OSTF1: variants seen among roughly 807,000 people sequenced by gnomAD.
OSTF1 encodes the protein osteoclast-stimulating factor 1.
A neutral mutation model predicts 37.2 loss-of-function variants in OSTF1; 27 were observed. The ratio of observed to expected loss-of-function variants is 0.73; its 90% CI spans 0.54 to 1.00. The LOEUF is 1.00. OSTF1 is among the 50% of genes least tolerant of loss of function. The pLI, the probability that OSTF1 is intolerant of heterozygous loss-of-function variation, is 0.00. For synonymous variants in OSTF1, 82 were observed against 89.2 expected, an observed-to-expected ratio of 0.92 and a Z score of 0.46; for missense variants, 232 against 253.8, an observed-to-expected ratio of 0.91 and a Z score of 0.58.
At chr9:75,119,822 G>A (rs1279409227) in intron 2 of OSTF1, among the ~76,000 whole-genome samples, 1 of 152,092 alleles carries the variant, frequency 6.6e-6, no homozygotes, top group Non-Finnish European at 1.5e-5. Flanking sequence ...AAATTAGCTG[G>A]GTGTGGTGGT....
chr9:75,128,414 CAT>C (rs1326846136), intron 3 of OSTF1, among the ~76,000 whole-genome samples: 1,265 of 11,394 alleles, frequency 0.11, 345 homozygotes, highest in African/African-American at 0.14. Flanking sequence ...ATATTTTGTC[CAT>C]ATATATATAT....
At chr9:75,123,328 A>G (rs1476159959) in intron 2 of OSTF1, among the ~76,000 whole-genome samples, 1 of 152,240 alleles carries the variant, frequency 6.6e-6, no homozygotes, top group Non-Finnish European at 1.5e-5. Flanking sequence ...AGGCTGAGGC[A>G]GGAGAATGGC....
At chr9:75,101,017 T>C (rs1231187848) in intron 1 of OSTF1, among the ~76,000 whole-genome samples, 1 of 152,234 alleles carries the variant, frequency 6.6e-6, no homozygotes, top group Non-Finnish European at 1.5e-5. Context: ...TAATTTGAGC[T>C]GGCTTGGAAA....
At chr9:75,104,652 A>C (rs938746884) in intron 1 of OSTF1, among the ~76,000 whole-genome samples, 4 of 152,210 alleles carry the variant, frequency 2.6e-5, no homozygotes, top group African/African-American at 9.7e-5. Flanking sequence ...CTTGCCAGTG[A>C]GGAGAAACAC....
chr9:75,119,469 A>G (rs771959997), intron 2 of OSTF1, among the ~76,000 whole-genome samples: 15 of 152,230 alleles, frequency 9.9e-5, no homozygotes, highest in Admixed American at 9.2e-4. Flanking sequence ...TGAGCCTGCT[A>G]TAACAAAGTT....
Position 75,092,850 on chromosome 9 carries a change from A to G in OSTF1, c.34+4124A>G, listed in dbSNP as rs189991327. Among the ~76,000 whole-genome samples the G allele has an allele frequency of 9.2e-5, 14 of 152,148 alleles. No individual in the cohort carries two copies. In the East Asian group the frequency reaches 2.7e-3, roughly 30 times the overall value. On this transcript the variant is annotated intron_variant, in intron 1 of 9. Transcript: ENST00000346234. Reference sequence around the variant, plus strand: ...TGCCTGCATTCTGCTTGAAAAATCAATTCTGTCGCAGTTTGACCTTTCCTT... The same window carrying G: ...TGCCTGCATTCTGCTTGAAAAATCAGTTCTGTCGCAGTTTGACCTTTCCTT...
At chr9:75,114,472 T>G (rs1179212370) in intron 1 of OSTF1, among the ~76,000 whole-genome samples, 2 of 152,132 alleles carry the variant, frequency 1.3e-5, no homozygotes, top group African/African-American at 4.8e-5. Context: ...ATACAGAACT[T>G]TTCTATTATT....
rs1193139004 is a variant in OSTF1, at chr9:75,131,189, T to C, written c.196+548T>C. 3.3e-5 allele frequency among the ~76,000 whole-genome samples: 5 copies of C among 152,374 alleles called. No individual in the cohort carries two copies. The East Asian group carries it at 9.6e-4, about 29-fold the overall frequency. ...GCACAGAATTGATAAACAAGGCTCC[T>C]GAGTTTTAATCCTCTTTCTTCCATT... is the stretch of plus-strand genomic sequence containing the variant. On this transcript the variant is annotated intron_variant, in intron 4 of 9. Coordinates refer to ENST00000346234, the MANE Select transcript of OSTF1 (RefSeq NM_012383.5).
At chr9:75,132,998 CACACACACACACA>C (rs778194711) in intron 5 of OSTF1, among the ~76,000 whole-genome samples, 108 of 110,108 alleles carry the variant, frequency 9.8e-4, no homozygotes, top group Admixed American at 1.7e-3. Flanking sequence ...CACACACACA[CACACACACACACA>C]CCCCTATATA....
chr9:75,131,311 G>C (rs928690459), intron 4 of OSTF1, among the ~76,000 whole-genome samples: 2 of 152,180 alleles, frequency 1.3e-5, no homozygotes, highest in African/African-American at 4.8e-5. Flanking sequence ...AATACAGGAA[G>C]CAAAATACTC....
intron 1 of OSTF1, among the ~76,000 whole-genome samples, chr9:75,089,501 A>G (rs1824907591): frequency 6.6e-6 from 1 of 152,172 alleles, no homozygotes; most frequent in African/African-American, 2.4e-5. Context: ...ATGCAGAAAT[A>G]AGATAATTGT....
intron 7 of OSTF1, among the ~76,000 whole-genome samples, chr9:75,136,634 C>T (rs533233439): frequency 7.9e-5 from 12 of 152,236 alleles, no homozygotes; most frequent in South Asian, 2.1e-4. Flanking sequence ...TCAGGTGATC[C>T]GCTCTCCTCG....
chr9:75,133,387 A>G lies in OSTF1; in HGVS notation c.344A>G (p.His115Arg), dbSNP rs1395327363. The G allele has an allele frequency of 1.3e-6, 2 of 1,597,908 alleles. No individual in the cohort carries two copies. Among genetic ancestry groups the G allele is most frequent in the Non-Finnish European group, 1.7e-6 (2 of 1,166,008 alleles). Residue 115 changes from histidine to arginine, a missense_variant, in exon 6 of 10, where the codon CAC (histidine) becomes CGC (arginine). By Grantham distance (29) the His-to-Arg change is conservative (BLOSUM62 0). Coordinates refer to ENST00000346234, the MANE Select transcript of OSTF1 (RefSeq NM_012383.5). ...AGSTALYWAC[H>R]GGHKDIVEML... ...AGCACTGCCTTATACTGGGCTTGCCACGGGGGCCACAAAGGTATTACATTT... is the reference window on the plus strand; with the variant it reads ...AGCACTGCCTTATACTGGGCTTGCCGCGGGGGCCACAAAGGTATTACATTT...
chr9:75,104,132 T>C (rs1437169261), intron 1 of OSTF1, among the ~76,000 whole-genome samples: 2 of 152,038 alleles, frequency 1.3e-5, no homozygotes, highest in African/African-American at 4.8e-5. Context: ...TAGTCTCAGC[T>C]GCTTGGGAGA....
intron 1 of OSTF1, among the ~76,000 whole-genome samples, chr9:75,088,945 T>C (rs1361560060): frequency 1.3e-5 from 2 of 152,096 alleles, no homozygotes; most frequent in African/African-American, 4.8e-5. Context: ...TATATATATA[T>C]ATATTTAAAG....
intron 1 of OSTF1, among the ~76,000 whole-genome samples, chr9:75,095,190 A>G (rs1173638617): frequency 6.6e-6 from 1 of 152,174 alleles, no homozygotes; most frequent in Non-Finnish European, 1.5e-5. Flanking sequence ...TAGTCTCCCA[A>G]TAGTATTGTT....
intron 7 of OSTF1, among the ~76,000 whole-genome samples, chr9:75,136,923 G>A (rs1424916973): frequency 6.6e-6 from 1 of 152,158 alleles, no homozygotes; most frequent in Non-Finnish European, 1.5e-5. Flanking sequence ...ACTGGGCAGT[G>A]GGGTACGTAA....
At chr9:75,126,655 G>A (rs1236671252) in intron 2 of OSTF1, among the ~76,000 whole-genome samples, 7 of 152,120 alleles carry the variant, frequency 4.6e-5, no homozygotes, top group African/African-American at 7.2e-5. Context: ...GTGCAGTGGC[G>A]TGATCTCAGC....
chr9:75,101,150 G>A (rs758506162), intron 1 of OSTF1, among the ~76,000 whole-genome samples: 29 of 152,142 alleles, frequency 1.9e-4, no homozygotes, highest in African/African-American at 7.0e-4. Context: ...AAACAATCTC[G>A]ACTCTCAGGA....
Sources: gnomAD v4.1 joint callset for allele counts (sites outside exome capture counted in the v4.1 genomes callset) on GRCh38, gnomAD v4.1.1 for gene constraint, MANE v1.5 for transcripts, NCBI Gene and HGNC (gene_info 2026-07-23, HGNC 2026-07-21) for gene names.